The following LRRTM4 variants were observed in gnomAD, a reference collection of about 807,000 sequenced individuals.
LRRTM4 encodes the protein leucine-rich repeat transmembrane neuronal protein 4.
Under a neutral mutation model 47.6 loss-of-function variants are expected in LRRTM4, and 25 were observed. That is an observed-to-expected ratio of 0.53 (90% CI 0.38 to 0.73). The LOEUF is 0.73. Among genes scored for constraint, LRRTM4 ranks in the 30% least tolerant of loss-of-function variants. The probability of loss-of-function intolerance (pLI) is 0.00; values close to 1 mark genes in which losing one functional copy is unlikely to be tolerated. For missense variants in LRRTM4, 638 were observed against 713.4 expected, an observed-to-expected ratio of 0.89 and a Z score of 1.20; for synonymous variants, 311 against 269.5, an observed-to-expected ratio of 1.15 and a Z score of -1.51.
At chr2:77,028,832 A>G (rs190404939) in intron 3 of LRRTM4, among the ~76,000 whole-genome samples, 91 of 151,590 alleles carry the variant, frequency 6.0e-4, no homozygotes, top group African/African-American at 2.2e-3. Flanking sequence ...TCAGGAGATC[A>G]AGACCATCCT....
At chr2:77,486,445 C>T (rs143950761) in intron 3 of LRRTM4, among the ~76,000 whole-genome samples, 14 of 152,138 alleles carry the variant, frequency 9.2e-5, no homozygotes, top group African/African-American at 3.4e-4. Flanking sequence ...ATATAAGAAA[C>T]TGTAATGTAC....
intron 3 of LRRTM4, among the ~76,000 whole-genome samples, chr2:76,946,791 T>A (rs1675336674): frequency 6.6e-6 from 1 of 151,892 alleles, no homozygotes; most frequent in South Asian, 2.1e-4. Flanking sequence ...CATTAAAAAG[T>A]GGACGTTTTT....
intron 3 of LRRTM4, among the ~76,000 whole-genome samples, chr2:77,330,505 T>A (rs1670933609): frequency 6.6e-6 from 1 of 152,126 alleles, no homozygotes; most frequent in Non-Finnish European, 1.5e-5. Flanking sequence ...AAAAAAATAA[T>A]AAGCTGATAA....
intron 3 of LRRTM4, among the ~76,000 whole-genome samples, chr2:76,967,597 C>T (rs1676071051): frequency 6.6e-6 from 1 of 151,566 alleles, no homozygotes; most frequent in South Asian, 2.1e-4. Flanking sequence ...ACTCTATATG[C>T]CACCACATAC....
chr2:76,780,894 T>C (rs576601581), intron 3 of LRRTM4, among the ~76,000 whole-genome samples: 1 of 151,334 alleles, frequency 6.6e-6, no homozygotes, highest in East Asian at 1.9e-4. Context: ...GTGGTTTTTA[T>C]CTACTTTTGG....
At chr2:77,011,656 A>G (rs544088178) in intron 3 of LRRTM4, among the ~76,000 whole-genome samples, 116 of 152,170 alleles carry the variant, frequency 7.6e-4, no homozygotes, top group African/African-American at 2.2e-3. Context: ...CCTAGAAGCC[A>G]TAACTTGCAG....
intron 3 of LRRTM4, among the ~76,000 whole-genome samples, chr2:77,500,461 A>G (rs778447650): frequency 1.6e-4 from 24 of 151,708 alleles, no homozygotes; most frequent in Non-Finnish European, 3.4e-4. Flanking sequence ...AAAAATCTGT[A>G]TTACAGAAGA....
intron 3 of LRRTM4, among the ~76,000 whole-genome samples, chr2:77,498,732 C>T (rs957304741): frequency 1.3e-5 from 2 of 151,778 alleles, no homozygotes; most frequent in African/African-American, 2.4e-5. Flanking sequence ...TATAGTACTA[C>T]TATTGTGGCA....
Position 77,379,473 on chromosome 2 carries a change from G to A in LRRTM4, c.1551+138845C>T, listed in dbSNP as rs959876499. Among the ~76,000 whole-genome samples the A allele has an allele frequency of 3.9e-5, 6 of 152,054 alleles. No individual in the cohort carries two copies. In the South Asian group the frequency reaches 6.2e-4, roughly 16 times the overall value. The stretch of plus-strand genomic sequence containing the variant: ...AACTCCAGTGGCTCTTCCCACACAC[G>A]GCATGTTGTCGCTGTTCTTTATTTT... On this transcript the variant is annotated intron_variant, in intron 3 of 3. Transcript: ENST00000409884.
intron 3 of LRRTM4, among the ~76,000 whole-genome samples, chr2:77,310,655 A>T (rs1677426178): frequency 6.6e-6 from 1 of 152,152 alleles, no homozygotes; most frequent in Non-Finnish European, 1.5e-5. Flanking sequence ...AACATGAAAC[A>T]TCTGTCACAA....
At chr2:77,422,042 A>G (rs1674917912) in intron 3 of LRRTM4, among the ~76,000 whole-genome samples, 1 of 152,200 alleles carries the variant, frequency 6.6e-6, no homozygotes, top group Non-Finnish European at 1.5e-5. Context: ...TATATCGTAT[A>G]GCCTATTATA....
chr2:77,311,460 C>T (rs1375547147), intron 3 of LRRTM4, among the ~76,000 whole-genome samples: 1 of 152,120 alleles, frequency 6.6e-6, no homozygotes, highest in Admixed American at 6.6e-5. Flanking sequence ...ATCATGTTTA[C>T]CAGCCGTGGG....
chr2:76,986,176 T>C (rs1676787604), intron 3 of LRRTM4, among the ~76,000 whole-genome samples: 1 of 150,224 alleles, frequency 6.7e-6, no homozygotes, highest in South Asian at 2.1e-4. Flanking sequence ...CTTCTGAATA[T>C]CTACTTGAAT....
chr2:77,477,150 A>G (rs1677432601), intron 3 of LRRTM4, among the ~76,000 whole-genome samples: 1 of 152,156 alleles, frequency 6.6e-6, no homozygotes, highest in South Asian at 2.1e-4. Flanking sequence ...CATATAAGGC[A>G]TTCATTAGCA....
intron 3 of LRRTM4, among the ~76,000 whole-genome samples, chr2:76,939,956 G>C (rs1675079230): frequency 6.6e-6 from 1 of 151,992 alleles, no homozygotes; most frequent in Admixed American, 6.6e-5. Context: ...GAAGGGGTTG[G>C]TTCAAATATT....
intron 3 of LRRTM4, among the ~76,000 whole-genome samples, chr2:76,822,081 T>C (rs1480841478): frequency 2.6e-5 from 4 of 151,620 alleles, no homozygotes; most frequent in African/African-American, 4.8e-5. Flanking sequence ...TAAAATTTTA[T>C]AGAAAAAATA....
chr2:77,502,050 G>C (rs1464295908), intron 3 of LRRTM4, among the ~76,000 whole-genome samples: 2 of 151,280 alleles, frequency 1.3e-5, no homozygotes, highest in Non-Finnish European at 3.0e-5. Context: ...TCCTAAATTT[G>C]CTTATCCTGA....
At chr2:77,498,491 C>T (rs1678447549) in intron 3 of LRRTM4, among the ~76,000 whole-genome samples, 1 of 151,740 alleles carries the variant, frequency 6.6e-6, no homozygotes, top group Admixed American at 6.6e-5. Flanking sequence ...AGTTCAGACA[C>T]TCTCTTATTA....
At chr2:76,801,945 GAAATT>G (rs2103775905) in intron 3 of LRRTM4, among the ~76,000 whole-genome samples, 1 of 152,084 alleles carries the variant, frequency 6.6e-6, no homozygotes, top group East Asian at 1.9e-4. Flanking sequence ...AGACTCTTGA[GAAATT>G]AGATATAGAA....
Sources: gnomAD v4.1 joint callset for allele counts (sites outside exome capture counted in the v4.1 genomes callset) on GRCh38, gnomAD v4.1.1 for gene constraint, MANE v1.5 for transcripts, NCBI Gene and HGNC (gene_info 2026-07-23, HGNC 2026-07-21) for gene names.